ZC3H18: variants seen among roughly 807,000 people sequenced by gnomAD.
ZC3H18 encodes zinc finger CCCH domain-containing protein 18.
ZC3H18 carries 8 observed loss-of-function variants against 106.1 expected under a neutral mutation model. That is an observed-to-expected ratio of 0.08 (90% CI 0.04 to 0.14). The LOEUF (loss-of-function observed/expected upper bound fraction) is 0.14. Ranked by LOEUF, ZC3H18 falls within the 10% of genes least tolerant of loss-of-function variation. The pLI, the probability that ZC3H18 is intolerant of heterozygous loss-of-function variation, is 1.00. For synonymous variants in ZC3H18, 635 were observed against 522.1 expected (o/e 1.22, Z -2.95); for missense variants, 1,318 against 1,278.4 (o/e 1.03, Z -0.47).
At chr16:88,611,786 C>T (rs1259500365) in intron 8 of ZC3H18, among the ~76,000 whole-genome samples, 1 of 152,214 alleles carries the variant, frequency 6.6e-6, no homozygotes, top group Non-Finnish European at 1.5e-5. Context: ...TAGAGGATCT[C>T]ACTGATGTGA....
intron 2 of ZC3H18, among the ~76,000 whole-genome samples, chr16:88,578,830 A>G (rs777035304): frequency 2.0e-5 from 3 of 152,168 alleles, no homozygotes; most frequent in Non-Finnish European, 4.4e-5. Context: ...AGCTGGGATT[A>G]CAGGCGCCCG....
intron 3 of ZC3H18, among the ~76,000 whole-genome samples, 158 bp from the exon 4 acceptor site, chr16:88,598,020 A>T (rs1904532175): frequency 6.6e-6 from 1 of 152,130 alleles, no homozygotes; most frequent in African/African-American, 2.4e-5. Context: ...CTCCAGGCTC[A>T]TCCCGCCCAC....
chr16:88,605,455 C>T (rs988878084), intron 6 of ZC3H18, among the ~76,000 whole-genome samples: 2 of 152,244 alleles, frequency 1.3e-5, no homozygotes, highest in African/African-American at 4.8e-5. Flanking sequence ...GGGGCTGCGT[C>T]GCTGCTCCCT....
chr16:88,582,817 G>A (rs1400316886), intron 2 of ZC3H18, among the ~76,000 whole-genome samples: 2 of 152,192 alleles, frequency 1.3e-5, no homozygotes, highest in Non-Finnish European at 1.5e-5. Context: ...CCAAGCTGGC[G>A]TGAGGCTGCT....
chr16:88,622,416 G>A (rs746799428), intron 9 of ZC3H18, 28 bp downstream of exon 9: 24 of 1,573,162 alleles, frequency 1.5e-5, no homozygotes, highest in Non-Finnish European at 5.2e-6. Flanking sequence ...GACGGCTGGG[G>A]TGTCAGCACC....
rs116055738 is a variant in ZC3H18 at position 88,573,490 on chromosome 16, G to A, written c.-15+2924G>A. On this transcript the variant is annotated intron_variant, in intron 1 of 17. Transcript: ENST00000301011. Reference sequence around the variant, plus strand: ...CTTGCTTTTGTTGCCTTGGGCTGCAGAAATGCTCTGTGCATCAAGCGCCCC... The same window carrying A: ...CTTGCTTTTGTTGCCTTGGGCTGCAAAAATGCTCTGTGCATCAAGCGCCCC... 2.9e-3 allele frequency among the ~76,000 whole-genome samples: 436 copies of A among 152,184 alleles called. 2 individuals are homozygous for A. Among genetic ancestry groups the A allele is most frequent in the African/African-American group, 9.7e-3 (402 of 41,570 alleles).
intron 2 of ZC3H18, among the ~76,000 whole-genome samples, chr16:88,579,621 C>G (rs1014373850): frequency 7.2e-5 from 11 of 152,252 alleles, no homozygotes; most frequent in African/African-American, 2.4e-4. Flanking sequence ...TGCTGGTTTC[C>G]CCTAGACACA....
intron 6 of ZC3H18, among the ~76,000 whole-genome samples, chr16:88,605,927 A>T (rs541759493): frequency 6.6e-6 from 1 of 152,354 alleles, no homozygotes; most frequent in Admixed American, 6.5e-5. Flanking sequence ...GGTCCACTCC[A>T]CGTGCCAGTG....
chr16:88,614,724 A>AC (rs1437079917), intron 8 of ZC3H18, among the ~76,000 whole-genome samples: 1 of 152,254 alleles, frequency 6.6e-6, no homozygotes, highest in African/African-American at 2.4e-5. Flanking sequence ...AAACGGGGAA[A>AC]CCGTCATTGA....
At chr16:88,581,566 C>G (rs908778416) in intron 2 of ZC3H18, among the ~76,000 whole-genome samples, 4 of 152,206 alleles carry the variant, frequency 2.6e-5, no homozygotes, top group Non-Finnish European at 4.4e-5. Flanking sequence ...CCGTACAGGG[C>G]TGGGACCAGC....
chr16:88,585,997 G>A (rs1915411104), intron 2 of ZC3H18, among the ~76,000 whole-genome samples: 1 of 152,264 alleles, frequency 6.6e-6, no homozygotes, highest in South Asian at 2.1e-4. Flanking sequence ...CTGGGACAGT[G>A]GGTGGCTTGG....
At chr16:88,586,711 C>A in intron 3 of ZC3H18, 27 bp downstream of exon 3, 1 of 1,605,168 alleles carries the variant, frequency 6.2e-7, no homozygotes, top group South Asian at 1.1e-5. Context: ...GAGGCCTTCT[C>A]GCAGCCAGCT....
chr16:88,601,142 C>T (rs1468253300), intron 6 of ZC3H18, among the ~76,000 whole-genome samples: 1 of 152,256 alleles, frequency 6.6e-6, no homozygotes, highest in African/African-American at 2.4e-5. Flanking sequence ...CAGTGGCCCA[C>T]ACCTGCCCCA....
intron 6 of ZC3H18, among the ~76,000 whole-genome samples, chr16:88,602,720 T>A (rs1246790719): frequency 6.6e-6 from 1 of 152,220 alleles, no homozygotes; most frequent in Non-Finnish European, 1.5e-5. Context: ...GCTATGTTGC[T>A]CAGGCTGGTC....
chr16:88,617,644 C>T (rs1236422492), intron 8 of ZC3H18, among the ~76,000 whole-genome samples: 1 of 152,206 alleles, frequency 6.6e-6, no homozygotes, highest in African/African-American at 2.4e-5. Context: ...GCTTTGGGTG[C>T]CCCTTCAGGG....
At chr16:88,571,764 G>C (rs1914421917) in intron 1 of ZC3H18, 2 of 821,580 alleles carry the variant, frequency 2.4e-6, no homozygotes, top group Non-Finnish European at 2.9e-6. Context: ...CTTTATCAAG[G>C]AGTTTAGTGG....
At chr16:88,587,740 A>G in intron 3 of ZC3H18, 1 of 956,960 alleles carries the variant, frequency 1.0e-6, no homozygotes, top group East Asian at 2.6e-5. Flanking sequence ...TTTGAGGGGC[A>G]GAGAGCTGTT....
intron 8 of ZC3H18, among the ~76,000 whole-genome samples, chr16:88,616,066 G>T (rs1042610367): frequency 1.1e-4 from 16 of 152,156 alleles, no homozygotes; most frequent in Non-Finnish European, 2.1e-4. Flanking sequence ...CAGGAGGCTT[G>T]GAGAGGGTAA....
chr16:88,617,050 T>TC (rs926658082), intron 8 of ZC3H18, among the ~76,000 whole-genome samples: 1 of 152,006 alleles, frequency 6.6e-6, no homozygotes, highest in Non-Finnish European at 1.5e-5. Context: ...GTTGAGGGCC[T>TC]CCCCCGGGAA....
Sources: gnomAD v4.1 joint callset for allele counts (sites outside exome capture counted in the v4.1 genomes callset) on GRCh38, gnomAD v4.1.1 for gene constraint, MANE v1.5 for transcripts, NCBI Gene and HGNC (gene_info 2026-07-23, HGNC 2026-07-21) for gene names.